The following CMIP variants were observed in gnomAD, a reference collection of about 807,000 sequenced individuals.
The protein encoded by CMIP is c-Maf inducing protein, also known as C-Maf-inducing protein.
Under a neutral mutation model 97.3 loss-of-function variants are expected in CMIP, and 13 were observed. The observed-to-expected ratio is 0.13, with a 90% CI of 0.09 to 0.21. The LOEUF (loss-of-function observed/expected upper bound fraction) is 0.21. Ranked by LOEUF, CMIP falls within the 10% of genes least tolerant of loss-of-function variation. The probability of loss-of-function intolerance (pLI) is 1.00; values close to 1 mark genes in which losing one functional copy is unlikely to be tolerated. For missense variants in CMIP, 847 were observed against 1,024.9 expected (o/e 0.83, Z 2.37); for synonymous variants, 538 against 436.3 (o/e 1.23, Z -2.91).
At chr16:81,667,082 T>C (rs1354376498) in intron 7 of CMIP, 2 of 151,448 alleles carry the variant, frequency 1.3e-5, no homozygotes, top group Non-Finnish European at 2.9e-5. Flanking sequence ...GTGTTTCTCC[T>C]TAAGGAGGCA....
intron 1 of CMIP, among the ~76,000 whole-genome samples, chr16:81,446,127 T>C (rs990179537): frequency 2.0e-5 from 3 of 151,436 alleles, no homozygotes; most frequent in Non-Finnish European, 4.4e-5. Flanking sequence ...CATTCGCACA[T>C]TGAGAGGTTG....
At chr16:81,658,894 C>T (rs1226983071) in intron 5 of CMIP, among the ~76,000 whole-genome samples, 1 of 152,258 alleles carries the variant, frequency 6.6e-6, no homozygotes, top group African/African-American at 2.4e-5. Flanking sequence ...GGGGGACCCA[C>T]TCAGTCGGCC....
At chr16:81,502,030 C>A (rs990648589) in intron 1 of CMIP, among the ~76,000 whole-genome samples, 56 of 152,306 alleles carry the variant, frequency 3.7e-4, no homozygotes, top group African/African-American at 1.3e-3. Context: ...CTACTATATG[C>A]TAGGCCCTAT....
intron 1 of CMIP, among the ~76,000 whole-genome samples, chr16:81,492,866 T>G (rs2089427007): frequency 1.4e-5 from 2 of 143,674 alleles, no homozygotes; most frequent in African/African-American, 5.3e-5. Flanking sequence ...CGGGGAGCTG[T>G]GTGGGGTGGG....
intron 13 of CMIP, among the ~76,000 whole-genome samples, chr16:81,693,689 C>G (rs1906373421): frequency 6.6e-6 from 1 of 152,194 alleles, no homozygotes; most frequent in Non-Finnish European, 1.5e-5. Flanking sequence ...CGCCGGCTCA[C>G]CGGGGGTGGT....
rs967986477 is a variant in CMIP at position 81,614,881 on chromosome 16, G to T, written c.427-5995G>T. Reference sequence around the variant, plus strand: ...CTGTGTGTGCATGTGTGTGTGGTATGTGCATGTGTGTGTGTCCTGTGTCTA... The same window carrying T: ...CTGTGTGTGCATGTGTGTGTGGTATTTGCATGTGTGTGTGTCCTGTGTCTA... On this transcript the variant is annotated intron_variant, in intron 2 of 20. Transcript: ENST00000537098. This position sits in a 1 kb window ranked among gnomAD's most constrained non-coding sequence, Gnocchi z 5.3. 2.6e-5 allele frequency among the ~76,000 whole-genome samples: 4 copies of T among 151,094 alleles called. No homozygotes were observed. Among genetic ancestry groups the T allele is most frequent in the Non-Finnish European group, 5.9e-5 (4 of 67,732 alleles).
intron 3 of CMIP, among the ~76,000 whole-genome samples, chr16:81,644,649 C>G (rs1242311611): frequency 6.6e-6 from 1 of 152,230 alleles, no homozygotes; most frequent in African/African-American, 2.4e-5. Context: ...CCATGGCTTG[C>G]TGGAGATAGC....
chr16:81,516,511 A>G (rs79950365), intron 1 of CMIP, among the ~76,000 whole-genome samples: 7,061 of 151,882 alleles, frequency 0.046, 198 homozygotes, highest in Non-Finnish European at 0.066. Context: ...CTCCCTGGAC[A>G]CTCTCATGCT....
intron 10 of CMIP, among the ~76,000 whole-genome samples, chr16:81,680,509 C>T (rs896817127): frequency 6.6e-6 from 1 of 152,212 alleles, no homozygotes; most frequent in East Asian, 1.9e-4. Flanking sequence ...CTGGCTTTGG[C>T]CCCGGAGAGG....
In CMIP at chr16:81,622,383, C is replaced by T. The variant is rs556318911; in HGVS notation, c.477+1457C>T. Among the ~76,000 whole-genome samples the T allele has an allele frequency of 3.9e-5, 6 of 152,284 alleles. No individual in the cohort carries two copies. The East Asian group carries it at 1.2e-3, about 29-fold the overall frequency. On this transcript the variant is annotated intron_variant, in intron 3 of 20. Transcript: ENST00000537098. ...ATCCACTGGGAGAACATCTCTGATGCCTGGGTCTCTCTTTGTGCCCGGGTA... is the reference window on the plus strand; with the variant it reads ...ATCCACTGGGAGAACATCTCTGATGTCTGGGTCTCTCTTTGTGCCCGGGTA...
chr16:81,508,538 T>C (rs1473177180), intron 1 of CMIP, among the ~76,000 whole-genome samples: 1 of 152,238 alleles, frequency 6.6e-6, no homozygotes, highest in Non-Finnish European at 1.5e-5. Context: ...AGCCTTTTAC[T>C]CTTTCAAGCA....
chr16:81,534,440 C>G (rs1467941733), intron 1 of CMIP, among the ~76,000 whole-genome samples: 4 of 152,066 alleles, frequency 2.6e-5, no homozygotes, highest in Admixed American at 2.6e-4. Flanking sequence ...CATCCTTTTT[C>G]AAATCATTTA....
chr16:81,619,719 C>T (rs1416995843), intron 2 of CMIP: 1 of 152,162 alleles, frequency 6.6e-6, no homozygotes, highest in East Asian at 1.9e-4. Flanking sequence ...GGGTTCAATT[C>T]CTGGCCCCGC....
intron 1 of CMIP, among the ~76,000 whole-genome samples, chr16:81,493,870 C>T (rs922174533): frequency 1.3e-5 from 2 of 152,242 alleles, no homozygotes; most frequent in African/African-American, 4.8e-5. Flanking sequence ...CCCAGGCCTG[C>T]CCTGTGACTC....
Position 81,541,960 on chromosome 16 carries a change from C to T in CMIP, c.301-65607C>T, listed in dbSNP as rs543580157. 5.1e-4 allele frequency among the ~76,000 whole-genome samples: 77 copies of T among 152,320 alleles called. 1 individual carries two copies. In the South Asian group the frequency reaches 0.015, roughly 30 times the overall value. On this transcript the variant is annotated intron_variant, in intron 1 of 20. Transcript: ENST00000537098. ...TTTTAATTTTCTCCTTTAATGGACT[C>T]CTTTGGGTTCACCACTCAGTCACTG...
intron 3 of CMIP, among the ~76,000 whole-genome samples, chr16:81,645,022 C>T (rs2092348080): frequency 6.6e-6 from 1 of 152,226 alleles, no homozygotes; most frequent in Non-Finnish European, 1.5e-5. Flanking sequence ...GAGCATTCTG[C>T]GATGATGAAA....
chr16:81,486,293 C>T (rs2089312876), intron 1 of CMIP, among the ~76,000 whole-genome samples: 1 of 151,936 alleles, frequency 6.6e-6, no homozygotes, highest in African/African-American at 2.4e-5. Context: ...CATGCGCACT[C>T]TGTGTTCAGG....
intron 1 of CMIP, among the ~76,000 whole-genome samples, chr16:81,597,540 G>C (rs1040010760): frequency 2.0e-5 from 3 of 151,512 alleles, no homozygotes; most frequent in Non-Finnish European, 4.4e-5. Flanking sequence ...GTGGGATTAA[G>C]GGCTTGTGGA....
intron 10 of CMIP, among the ~76,000 whole-genome samples, chr16:81,691,461 C>G (rs1412344110): frequency 6.6e-6 from 1 of 152,190 alleles, no homozygotes; most frequent in Non-Finnish European, 1.5e-5. Flanking sequence ...AAAACACCCC[C>G]TAATGGTCCC....
Sources: gnomAD v4.1 joint callset for allele counts (sites outside exome capture counted in the v4.1 genomes callset) on GRCh38, gnomAD v4.1.1 for gene constraint, Gnocchi (gnomAD v3.1) non-coding constraint, MANE v1.5 for transcripts, NCBI Gene and HGNC (gene_info 2026-07-23, HGNC 2026-07-21) for gene names.